The following KIAA1328 variants were observed in gnomAD, a reference collection of about 807,000 sequenced individuals.
KIAA1328 encodes the protein protein hinderin.
Under a neutral mutation model 68.1 loss-of-function variants are expected in KIAA1328, and 52 were observed. The ratio of observed to expected loss-of-function variants is 0.76; its 90% CI spans 0.61 to 0.96. The LOEUF is 0.96. KIAA1328 is among the 40% of genes least tolerant of loss of function. The pLI, the probability that KIAA1328 is intolerant of heterozygous loss-of-function variation, is 0.00. For missense variants in KIAA1328, 641 were observed against 677.6 expected (o/e 0.95, Z 0.60); for synonymous variants, 232 against 239.4 (o/e 0.97, Z 0.28).
intron 8 of KIAA1328, among the ~76,000 whole-genome samples, chr18:37,167,040 G>C (rs2059402583): frequency 6.6e-6 from 1 of 152,120 alleles, no homozygotes; most frequent in South Asian, 2.1e-4. Context: ...AAATGTAAGA[G>C]GAAAGAATAT....
chr18:36,966,095 A>G (rs1308412265), intron 6 of KIAA1328, among the ~76,000 whole-genome samples: 1 of 152,194 alleles, frequency 6.6e-6, no homozygotes, highest in Non-Finnish European at 1.5e-5. Flanking sequence ...TCTCAACAGA[A>G]ACAATGCAGG....
rs1599478172 is a variant in KIAA1328 at position 37,163,977 on chromosome 18, A to C, written c.1414+3596A>C. Among the ~76,000 whole-genome samples the C allele has an allele frequency of 4.6e-5, 7 of 152,276 alleles. No homozygotes were observed. The South Asian group carries it at 1.2e-3, about 27-fold the overall frequency. On this transcript the variant is annotated intron_variant, in intron 8 of 9. Transcript: ENST00000280020. ...AATAAATTCTCCTGGCTAGTCCACT[A>C]AAAAAAGGAATTCAAATATAACAGA...
At chr18:36,865,997 G>A (rs570028172) in intron 4 of KIAA1328, among the ~76,000 whole-genome samples, 1 of 152,228 alleles carries the variant, frequency 6.6e-6, no homozygotes, top group South Asian at 2.1e-4. Flanking sequence ...CTCTGCCTGG[G>A]CTCTGATGCT....
At chr18:36,890,388 T>C (rs563688824) in intron 5 of KIAA1328, among the ~76,000 whole-genome samples, 1 of 152,074 alleles carries the variant, frequency 6.6e-6, no homozygotes, top group East Asian at 1.9e-4. Flanking sequence ...AAAAAAAATA[T>C]GTCTGCGCGT....
chr18:36,844,869 A>G (rs1207299869), intron 4 of KIAA1328, among the ~76,000 whole-genome samples: 3 of 151,878 alleles, frequency 2.0e-5, no homozygotes. Flanking sequence ...AAGGTACTTA[A>G]TAAATGAAAG....
intron 3 of KIAA1328, among the ~76,000 whole-genome samples, chr18:36,842,151 G>A (rs2046880440): frequency 6.6e-6 from 1 of 152,148 alleles, no homozygotes; most frequent in African/African-American, 2.4e-5. Context: ...CTCTAGAACT[G>A]GATGAGAGGG....
chr18:37,174,431 G>GGAGTACA (rs1324936184), intron 9 of KIAA1328, among the ~76,000 whole-genome samples: 2 of 137,774 alleles, frequency 1.5e-5, no homozygotes, highest in Non-Finnish European at 3.0e-5. Flanking sequence ...TCGCCAGGCT[G>GGAGTACA]GAGTACAGTG....
rs1302703105 is a variant in KIAA1328 at position 37,169,429 on chromosome 18, T to G, written c.1415-3544T>G. On this transcript the variant is annotated intron_variant, in intron 8 of 9. Transcript: ENST00000280020. The stretch of plus-strand genomic sequence containing the variant: ...GTTCACCTGCCTCGGCCTCCCAAAG[T>G]GCTGGGATTACAGGCCTGAGCCATG... 2.0e-5 allele frequency among the ~76,000 whole-genome samples: 3 copies of G among 152,270 alleles called. No homozygotes were observed. The East Asian group carries it at 5.8e-4, about 29-fold the overall frequency.
chr18:37,096,054 A>G (rs1185782351), intron 7 of KIAA1328, among the ~76,000 whole-genome samples: 2 of 152,164 alleles, frequency 1.3e-5, no homozygotes, highest in Non-Finnish European at 2.9e-5. Flanking sequence ...TATTCTATCA[A>G]TCTTATAAAG....
chr18:36,982,638 G>A (rs1003904431), intron 6 of KIAA1328, among the ~76,000 whole-genome samples: 6 of 151,766 alleles, frequency 4.0e-5, no homozygotes, highest in Non-Finnish European at 7.4e-5. Flanking sequence ...AAATGTTAAA[G>A]GAAGTCTTTC....
chr18:37,037,058 G>A (rs2055055446), intron 6 of KIAA1328, among the ~76,000 whole-genome samples: 1 of 152,114 alleles, frequency 6.6e-6, no homozygotes, highest in Admixed American at 6.6e-5. Flanking sequence ...AGTATTTGAA[G>A]TGCTTGTATT....
intron 6 of KIAA1328, among the ~76,000 whole-genome samples, chr18:37,050,557 A>G (rs917814760): frequency 1.3e-5 from 2 of 152,214 alleles, no homozygotes; most frequent in African/African-American, 4.8e-5. Context: ...TATATGTGAA[A>G]ATGATTTGAA....
At chr18:37,185,691 A>G (rs78328413) in intron 9 of KIAA1328, among the ~76,000 whole-genome samples, 279 of 151,350 alleles carry the variant, frequency 1.8e-3, no homozygotes, top group Non-Finnish European at 3.3e-3. Context: ...ATATTTAAAT[A>G]TATATATACG....
At chr18:37,220,976 G>A (rs1004232523) in intron 9 of KIAA1328, among the ~76,000 whole-genome samples, 2 of 152,090 alleles carry the variant, frequency 1.3e-5, no homozygotes, top group Non-Finnish European at 2.9e-5. Context: ...ACAGGCACAT[G>A]CCACCATGCC....
chr18:37,124,856 T>C (rs531002289), intron 7 of KIAA1328, among the ~76,000 whole-genome samples: 3 of 152,308 alleles, frequency 2.0e-5, no homozygotes, highest in African/African-American at 7.2e-5. Flanking sequence ...ACTGGCTTCT[T>C]ATGCATCAAG....
chr18:37,222,061 A>G lies in KIAA1328; in HGVS notation c.1568A>G (p.Asn523Ser). The G allele has an allele frequency of 6.2e-7, 1 of 1,613,524 alleles. No individual in the cohort carries two copies. ...LLDLVQSLSP[N>S]SAPKPQRYPS... ...GATTTGGTTCAGTCTCTGAGCCCAA[A>G]CTCTGCGCCCAAACCTCAGCGCTAT... Residue 523 changes from asparagine (N) to serine (S), a missense_variant, in exon 10 of 10, where the codon AAC becomes AGC. Transcript: ENST00000280020.
chr18:37,177,440 C>T (rs1432826900), intron 9 of KIAA1328, among the ~76,000 whole-genome samples: 1 of 152,114 alleles, frequency 6.6e-6, no homozygotes, highest in African/African-American at 2.4e-5. Context: ...TCTTTCTGTT[C>T]TTCTATGACT....
chr18:36,901,048 G>T (rs932044825), intron 5 of KIAA1328, among the ~76,000 whole-genome samples: 1 of 152,026 alleles, frequency 6.6e-6, no homozygotes, highest in African/African-American at 2.4e-5. Context: ...CTTGAATGAA[G>T]AGGTGAATCT....
chr18:36,995,451 A>G (rs2053352774), intron 6 of KIAA1328, among the ~76,000 whole-genome samples: 1 of 152,010 alleles, frequency 6.6e-6, no homozygotes, highest in Non-Finnish European at 1.5e-5. Flanking sequence ...TCTAACATTC[A>G]AAGTTTTGTT....
Sources: gnomAD v4.1 joint callset for allele counts (sites outside exome capture counted in the v4.1 genomes callset) on GRCh38, gnomAD v4.1.1 for gene constraint, MANE v1.5 for transcripts, NCBI Gene and HGNC (gene_info 2026-07-23, HGNC 2026-07-21) for gene names.